The following FAT3 variants were observed in gnomAD, a reference collection of about 807,000 sequenced individuals.
FAT3 encodes the protein protocadherin Fat 3.
In FAT3, 95 loss-of-function variants were observed where a neutral mutation model predicts 310.2. The ratio of observed to expected loss-of-function variants is 0.31; its 90% confidence interval spans 0.26 to 0.36. The LOEUF (loss-of-function observed/expected upper bound fraction) is 0.36. FAT3 is among the 10% of genes least tolerant of loss of function. The pLI is 1.00. For synonymous variants in FAT3, 2,314 were observed against 2,192.9 expected, an observed-to-expected ratio of 1.06 and a Z score of -1.54; for missense variants, 5,408 against 5,715.6, an observed-to-expected ratio of 0.95 and a Z score of 1.74.
intron 2 of FAT3, among the ~76,000 whole-genome samples, chr11:92,429,371 C>T (rs1950712598): frequency 6.6e-6 from 1 of 152,096 alleles, no homozygotes; most frequent in African/African-American, 2.4e-5. Flanking sequence ...GGAATTTAGC[C>T]CATTTACATT....
At chr11:92,464,632 G>A (rs1374011838) in intron 2 of FAT3, among the ~76,000 whole-genome samples, 1 of 152,142 alleles carries the variant, frequency 6.6e-6, no homozygotes, top group Admixed American at 6.6e-5. Flanking sequence ...TGTGATAATC[G>A]TACATTAACT....
intron 2 of FAT3, among the ~76,000 whole-genome samples, chr11:92,481,565 A>G (rs993107140): frequency 2.6e-5 from 4 of 152,202 alleles, no homozygotes; most frequent in Non-Finnish European, 4.4e-5. Flanking sequence ...ACAAAAACTA[A>G]TATTGCATTG....
rs1486117529 is a variant in FAT3, at chr11:92,323,327, C to T, written c.-17-28769C>T. On this transcript the variant is annotated intron_variant, in intron 1 of 27. Coordinates refer to ENST00000525166, the MANE Select transcript of FAT3 (RefSeq NM_001367949.2). ...GCAATGGCGTGATCATGGCTCACTGCAGCCTCCGCCTCCTAGGTTCAAGCA... is the reference window on the plus strand; with the variant it reads ...GCAATGGCGTGATCATGGCTCACTGTAGCCTCCGCCTCCTAGGTTCAAGCA... Among the ~76,000 whole-genome samples the T allele has an allele frequency of 2.6e-5, 4 of 152,198 alleles. No homozygotes were observed. The East Asian group carries it at 5.8e-4, about 22-fold the overall frequency.
chr11:92,568,613 G>A (rs188305253), intron 3 of FAT3, among the ~76,000 whole-genome samples: 1 of 152,220 alleles, frequency 6.6e-6, no homozygotes, highest in East Asian at 1.9e-4. Context: ...ACCCTTGAAT[G>A]TCATTCCATT....
chr11:92,598,373 A>C (rs1290841495), intron 3 of FAT3, among the ~76,000 whole-genome samples: 1 of 151,800 alleles, frequency 6.6e-6, no homozygotes, highest in African/African-American at 2.4e-5. Flanking sequence ...CTATAGGTGC[A>C]TGCCACCATG....
rs1948741306 is a variant in FAT3, at chr11:92,848,478, T to TCACGGCA, written c.11365+3747_11365+3753dup. Among the ~76,000 whole-genome samples the TCACGGCA allele has an allele frequency of 3.3e-5, 5 of 152,182 alleles. No individual in the cohort carries two copies. In the South Asian group the frequency reaches 1.0e-3, roughly 32 times the overall value. ...AGGAGATGTGCAAGAGAAAGGGGTG[T>TCACGGCA]CACGGCAGCCTATGGGGCCTTGTTG... On this transcript the variant is annotated intron_variant, in intron 19 of 27. Coordinates refer to ENST00000525166, the MANE Select transcript of FAT3 (RefSeq NM_001367949.2).
chr11:92,564,556 C>T (rs1955359473), intron 3 of FAT3, among the ~76,000 whole-genome samples: 1 of 152,044 alleles, frequency 6.6e-6, no homozygotes, highest in Admixed American at 6.6e-5. Context: ...ATCTGCAGAA[C>T]TCTCCACCCC....
intron 3 of FAT3, among the ~76,000 whole-genome samples, chr11:92,639,823 G>A (rs564914355): frequency 1.3e-5 from 2 of 152,258 alleles, no homozygotes; most frequent in East Asian, 1.9e-4. Context: ...GTCACACCTA[G>A]CCACTTTACA....
rs569976072 is a variant in FAT3, at chr11:92,831,982, A to G, written c.9842A>G (p.Gln3281Arg). Residue 3281 changes from glutamine to arginine, a missense_variant, in exon 14 of 28, where the codon CAA becomes CGA. By Grantham distance (43) the Gln-to-Arg change is conservative (BLOSUM62 1). Coordinates refer to ENST00000525166, the MANE Select transcript of FAT3 (RefSeq NM_001367949.2). ...TATCTCATCCGGTCTGGGAACGAACAAGGGAAATTTAAGATCAACCCCAAG... is the reference window on the plus strand; with the variant it reads ...TATCTCATCCGGTCTGGGAACGAACGAGGGAAATTTAAGATCAACCCCAAG... ...ITYLIRSGNE[Q>R]GKFKINPKTG... The G allele has an allele frequency of 5.1e-6, 8 of 1,555,830 alleles. No homozygotes were observed. The highest frequency in any genetic ancestry group is 7.0e-6 in the Non-Finnish European group (8 of 1,149,866).
chr11:92,605,725 T>G (rs542484840), intron 3 of FAT3, among the ~76,000 whole-genome samples: 2,303 of 148,240 alleles, frequency 0.016, 36 homozygotes, highest in Non-Finnish European at 0.023. Flanking sequence ...CTATGTTTTT[T>G]TTTTTTTTTT....
chr11:92,301,614 T>C (rs1267518569), intron 1 of FAT3, among the ~76,000 whole-genome samples: 13 of 152,218 alleles, frequency 8.5e-5, no homozygotes, highest in Admixed American at 2.0e-4. Context: ...CCACTCTTTA[T>C]TGGGGACACT....
intron 3 of FAT3, among the ~76,000 whole-genome samples, chr11:92,689,406 G>T (rs901278780): frequency 9.2e-5 from 14 of 152,320 alleles, no homozygotes; most frequent in South Asian, 2.1e-4. Context: ...CACATCAGTG[G>T]TATGTAAATA....
chr11:92,633,007 G>A (rs937550920), intron 3 of FAT3, among the ~76,000 whole-genome samples: 3 of 152,132 alleles, frequency 2.0e-5, no homozygotes, highest in Non-Finnish European at 2.9e-5. Flanking sequence ...TACCTTTGTG[G>A]ATAATAATTA....
chr11:92,228,561 G>A (rs1182880387), intron 1 of FAT3, among the ~76,000 whole-genome samples: 2 of 152,316 alleles, frequency 1.3e-5, no homozygotes, highest in East Asian at 3.9e-4. Flanking sequence ...AATGACCTTA[G>A]CTAATCTGGC....
chr11:92,642,171 T>A (rs1941988921), intron 3 of FAT3, among the ~76,000 whole-genome samples: 1 of 152,222 alleles, frequency 6.6e-6, no homozygotes, highest in South Asian at 2.1e-4. Flanking sequence ...CAGCCATGGA[T>A]GCTGGTAGAG....
intron 2 of FAT3, among the ~76,000 whole-genome samples, chr11:92,416,747 A>AGAT (rs1180766203): frequency 6.6e-6 from 1 of 152,198 alleles, no homozygotes; most frequent in African/African-American, 2.4e-5. Flanking sequence ...GTCACCTGTG[A>AGAT]GATGCCCTTG....
intron 3 of FAT3, among the ~76,000 whole-genome samples, chr11:92,673,369 CTA>C (rs959045717): frequency 1.3e-5 from 2 of 152,182 alleles, no homozygotes; most frequent in Non-Finnish European, 2.9e-5. Context: ...CAACGAAACT[CTA>C]TTGCATATTT....
intron 4 of FAT3, among the ~76,000 whole-genome samples, chr11:92,708,150 G>A (rs536983006): frequency 2.5e-4 from 38 of 152,294 alleles, no homozygotes; most frequent in African/African-American, 8.2e-4. Flanking sequence ...AGCCCTGCAC[G>A]TCAGAGCCAA....
chr11:92,318,807 C>G (rs886569669), intron 1 of FAT3, among the ~76,000 whole-genome samples: 2 of 152,184 alleles, frequency 1.3e-5, no homozygotes, highest in Non-Finnish European at 2.9e-5. Context: ...AGGCACAAAT[C>G]TTGCTTTGAG....
Sources: allele counts gnomAD v4.1 joint callset (sites outside exome capture counted in the v4.1 genomes callset), GRCh38; gene constraint gnomAD v4.1.1; transcripts MANE v1.5; gene names NCBI Gene and HGNC (gene_info 2026-07-23, HGNC 2026-07-21).